Variants in ST3GAL3 observed in about 807,000 individuals in gnomAD.
ST3GAL3 encodes the protein CMP-N-acetylneuraminate-beta-1,4-galactoside alpha-2,3-sialyltransferase.
A neutral mutation model predicts 50.1 loss-of-function variants in ST3GAL3; 21 were observed. That is an observed-to-expected ratio of 0.42 (90% CI 0.30 to 0.60). The LOEUF is 0.60. ST3GAL3 is among the 20% of genes least tolerant of loss of function. The probability of loss-of-function intolerance (pLI) is 0.19; values close to 1 mark genes in which losing one functional copy is unlikely to be tolerated. For missense variants in ST3GAL3, 353 were observed against 489.4 expected, an observed-to-expected ratio of 0.72 and a Z score of 2.63; for synonymous variants, 183 against 190.0, an observed-to-expected ratio of 0.96 and a Z score of 0.30.
At chr1:43,878,920 T>C (rs896420900) in intron 5 of ST3GAL3, 1 of 426,964 alleles carries the variant, frequency 2.3e-6, no homozygotes, top group African/African-American at 2.0e-5. Context: ...AATGGGCAGC[T>C]CCTGTTCACA....
At chr1:43,845,144 A>T (rs1385030983) in intron 5 of ST3GAL3, among the ~76,000 whole-genome samples, 1 of 151,952 alleles carries the variant, frequency 6.6e-6, no homozygotes, top group African/African-American at 2.4e-5. Flanking sequence ...CACCATGCCC[A>T]ACAAATTTTT....
At chr1:43,718,618 G>A (rs1286392098) in intron 1 of ST3GAL3, among the ~76,000 whole-genome samples, 3 of 139,734 alleles carry the variant, frequency 2.1e-5, no homozygotes, top group Non-Finnish European at 4.7e-5. Context: ...ACAGAAAAAA[G>A]CCACTGTTTG....
In ST3GAL3 at chr1:43,894,579, C is replaced by A. The variant is rs112436799; in HGVS notation, c.397+102C>A. The stretch of plus-strand genomic sequence containing the variant: ...CTCAGAAGTCCCCATGCTGAGAATC[C>A]ACCCTTCCTCTACTCTCAACAAATC... On this transcript the variant is annotated intron_variant, in intron 6 of 11. Coordinates refer to ENST00000347631, the MANE Select transcript of ST3GAL3 (RefSeq NM_006279.5). 117 of 1,003,472 alleles carry A rather than the reference C, an allele frequency of 1.2e-4. 5 individuals are homozygous for A. In the African/African-American group the frequency reaches 1.2e-3, roughly 11 times the overall value. 62.2% of individuals were successfully genotyped at this position (1,003,472 alleles called of 1,614,324 possible). A position where few individuals can be genotyped will look rare whatever the true frequency, so the allele number is the denominator to read the frequency against.
intron 4 of ST3GAL3, among the ~76,000 whole-genome samples, chr1:43,831,161 T>C (rs1394035353): frequency 6.6e-6 from 1 of 152,230 alleles, no homozygotes; most frequent in Non-Finnish European, 1.5e-5. Context: ...TCCAATCTTC[T>C]TACCTTAAGC....
intron 2 of ST3GAL3, among the ~76,000 whole-genome samples, chr1:43,777,266 C>T (rs1262828952): frequency 2.6e-5 from 4 of 152,098 alleles, no homozygotes; most frequent in African/African-American, 7.2e-5. Flanking sequence ...ATACACAATC[C>T]ATATTCAGAT....
chr1:43,736,430 G>A, intron 2 of ST3GAL3, 50 bp downstream of exon 2: 1 of 1,614,084 alleles, frequency 6.2e-7, no homozygotes. Flanking sequence ...TTGCAGGTCA[G>A]TTACTGGTTT....
At chr1:43,716,774 C>T (rs908087197) in intron 1 of ST3GAL3, among the ~76,000 whole-genome samples, 1 of 152,126 alleles carries the variant, frequency 6.6e-6, no homozygotes, top group African/African-American at 2.4e-5. Context: ...AAATTAAACA[C>T]CAAGAGAGGT....
At chr1:43,810,625 C>A (rs2060449237) in intron 3 of ST3GAL3, among the ~76,000 whole-genome samples, 1 of 152,136 alleles carries the variant, frequency 6.6e-6, no homozygotes, top group South Asian at 2.1e-4. Context: ...CCATGTGTAT[C>A]ACATGGGAGT....
intron 5 of ST3GAL3, chr1:43,850,430 A>G: frequency 1.7e-6 from 1 of 582,876 alleles, no homozygotes; most frequent in Non-Finnish European, 3.4e-6. Flanking sequence ...CTCTGATGCC[A>G]GCGTTGCTCT....
chr1:43,922,044 C>T (rs757174665), intron 11 of ST3GAL3: 8 of 284,468 alleles, frequency 2.8e-5, no homozygotes, highest in Middle Eastern at 9.6e-4. Flanking sequence ...TTCTCTTTCT[C>T]AGCATCATCA....
At chr1:43,799,890 A>G (rs1434329172) in intron 3 of ST3GAL3, among the ~76,000 whole-genome samples, 1 of 152,114 alleles carries the variant, frequency 6.6e-6, no homozygotes, top group African/African-American at 2.4e-5. Flanking sequence ...GACACAGTTG[A>G]TGCTGTGAAT....
At chr1:43,830,209 A>T (rs550942274) in intron 4 of ST3GAL3, among the ~76,000 whole-genome samples, 90 of 151,126 alleles carry the variant, frequency 6.0e-4, no homozygotes, top group East Asian at 4.3e-3. Flanking sequence ...ATTAAAAAAA[A>T]TTTTTTTTAA....
At chr1:43,917,617 T>TATAC (rs1365248994) in intron 9 of ST3GAL3, among the ~76,000 whole-genome samples, 8 of 54,584 alleles carry the variant, frequency 1.5e-4, no homozygotes, top group African/African-American at 6.0e-4. Context: ...ATATTATATA[T>TATAC]TATATTATAT....
chr1:43,824,883 A>G, intron 4 of ST3GAL3: 1 of 802,128 alleles, frequency 1.2e-6, no homozygotes, highest in Non-Finnish European at 2.2e-6. Context: ...GGATTTTTAA[A>G]GCTGCCCAGG....
chr1:43,817,582 C>CCTTCTTCCTT lies in ST3GAL3; in HGVS notation c.209+2651_209+2652insTCTTCCTTCT, dbSNP rs1558437459. On this transcript the variant is annotated intron_variant, in intron 4 of 11. Coordinates refer to ENST00000347631, the MANE Select transcript of ST3GAL3 (RefSeq NM_006279.5). ...CCTTCTTCCTTCTTCTTCTCCTTCT[C>CCTTCTTCCTT]CTCCTTCTCCTCCTCCCTTCTCCTT... Among the ~76,000 whole-genome samples the CCTTCTTCCTT allele has an allele frequency of 1.2e-4, 4 of 34,456 alleles. No homozygotes were observed. In the South Asian group the frequency reaches 3.2e-3, roughly 28 times the overall value. The allele number at this position is 34,456 out of a possible 152,430, so 22.6% of individuals were successfully genotyped here.
At chr1:43,819,712 A>G (rs575494376) in intron 4 of ST3GAL3, among the ~76,000 whole-genome samples, 50 of 152,182 alleles carry the variant, frequency 3.3e-4, no homozygotes, top group Non-Finnish European at 4.7e-4. Context: ...TTTGGAGTAC[A>G]GATGGTCCCA....
At chr1:43,774,830 A>G (rs1346934878) in intron 2 of ST3GAL3, among the ~76,000 whole-genome samples, 1 of 152,150 alleles carries the variant, frequency 6.6e-6, no homozygotes, top group Non-Finnish European at 1.5e-5. Context: ...TACTGTGCCA[A>G]GTGAAAGGGA....
intron 4 of ST3GAL3, among the ~76,000 whole-genome samples, chr1:43,836,598 C>A (rs2064366884): frequency 6.6e-6 from 1 of 152,172 alleles, no homozygotes; most frequent in South Asian, 2.1e-4. Context: ...GGTAGGCTTG[C>A]CACAGGGCCC....
chr1:43,909,318 C>G (rs1167972384), intron 9 of ST3GAL3, among the ~76,000 whole-genome samples: 3 of 152,182 alleles, frequency 2.0e-5, no homozygotes, highest in African/African-American at 4.8e-5. Flanking sequence ...TCCTTTTGCT[C>G]TCTTCTTGCC....
Sources: gnomAD v4.1 joint callset for allele counts (sites outside exome capture counted in the v4.1 genomes callset) on GRCh38, gnomAD v4.1.1 for gene constraint, MANE v1.5 for transcripts, NCBI Gene and HGNC (gene_info 2026-07-23, HGNC 2026-07-21) for gene names.